OXCT1: variants seen among roughly 807,000 people sequenced by gnomAD.
OXCT1 encodes succinyl-CoA:3-ketoacid coenzyme A transferase 1, mitochondrial.
In OXCT1, 27 loss-of-function variants were observed where a neutral mutation model predicts 69.6. The ratio of observed to expected loss-of-function variants is 0.39; its 90% CI spans 0.29 to 0.54. The LOEUF is 0.54. Ranked by LOEUF, OXCT1 falls within the 20% of genes least tolerant of loss-of-function variation. OXCT1 has a pLI of 0.72. For missense variants in OXCT1, 437 were observed against 650.2 expected (o/e 0.67, Z 3.57); for synonymous variants, 202 against 217.8 (o/e 0.93, Z 0.64).
At chr5:41,773,921 T>C (rs1745003033) in intron 13 of OXCT1, among the ~76,000 whole-genome samples, 1 of 152,318 alleles carries the variant, frequency 6.6e-6, no homozygotes, top group African/African-American at 2.4e-5. Flanking sequence ...CCATTTCATT[T>C]TATAGGGACC....
intron 14 of OXCT1, among the ~76,000 whole-genome samples, chr5:41,751,028 T>C (rs1477692638): frequency 1.3e-5 from 2 of 152,188 alleles, no homozygotes; most frequent in Non-Finnish European, 2.9e-5. Flanking sequence ...TTACTGTATA[T>C]GAAAATTTAT....
chr5:41,786,247 A>G lies in OXCT1; in HGVS notation c.1248+7756T>C, dbSNP rs182772971. 7.9e-5 allele frequency among the ~76,000 whole-genome samples: 12 copies of G among 152,282 alleles called. 3 individuals carry two copies. Among genetic ancestry groups the G allele is most frequent in the African/African-American group, 2.9e-4 (12 of 41,562 alleles). On this transcript the variant is annotated intron_variant, in intron 13 of 16. Coordinates refer to ENST00000196371, the MANE Select transcript of OXCT1 (RefSeq NM_000436.4). ...GACAACTGCTCACCCCACTCCACAC[A>G]CACAGAGAGAGGAAGGGATCAGCTT...
intron 5 of OXCT1, among the ~76,000 whole-genome samples, chr5:41,847,658 AAACAG>A (rs760773133): frequency 2.0e-5 from 3 of 152,140 alleles, no homozygotes; most frequent in Admixed American, 6.5e-5. Flanking sequence ...TCCAGCATAT[AAACAG>A]AACCAAAGAC....
At chr5:41,759,101 A>AC (rs1561367684) in intron 14 of OXCT1, among the ~76,000 whole-genome samples, 1 of 151,802 alleles carries the variant, frequency 6.6e-6, no homozygotes, top group Non-Finnish European at 1.5e-5. Context: ...AAAAAAAAAA[A>AC]AAAAAACCTG....
At position 41,863,316 on chromosome 5, in the gene OXCT1, T is replaced by G. The variant is rs192795786; in HGVS notation, c.79-566A>C. ...TATAAATGCACACACTTTTTTATGG[T>G]AAAAACACTTAAAAATCTCTAAGCA... On this transcript the variant is annotated intron_variant, in intron 1 of 16. Transcript: ENST00000196371. 1.1e-4 allele frequency among the ~76,000 whole-genome samples: 17 copies of G among 152,260 alleles called. No individual in the cohort carries two copies. In the East Asian group the frequency reaches 2.9e-3, roughly 26 times the overall value.
chr5:41,823,549 T>C (rs1404804523), intron 7 of OXCT1, among the ~76,000 whole-genome samples: 1 of 152,206 alleles, frequency 6.6e-6, no homozygotes, highest in Non-Finnish European at 1.5e-5. Flanking sequence ...TTAGCCTGTC[T>C]CTCTCCAATT....
chr5:41,741,558 T>G (rs1743170551), intron 15 of OXCT1, among the ~76,000 whole-genome samples: 1 of 152,148 alleles, frequency 6.6e-6, no homozygotes, highest in South Asian at 2.1e-4. Flanking sequence ...TTTTTTCACT[T>G]TTCACTCCTT....
At chr5:41,770,771 ATAAC>A (rs1744839757) in intron 13 of OXCT1, among the ~76,000 whole-genome samples, 1 of 152,246 alleles carries the variant, frequency 6.6e-6, no homozygotes, top group South Asian at 2.1e-4. Flanking sequence ...TATAATAAAT[ATAAC>A]TAACAGAACC....
intron 7 of OXCT1, among the ~76,000 whole-genome samples, chr5:41,808,488 A>G (rs1746796890): frequency 6.6e-6 from 1 of 152,138 alleles, no homozygotes; most frequent in African/African-American, 2.4e-5. Flanking sequence ...CAGGGCTTAC[A>G]GAAGACATTT....
chr5:41,799,991 T>C (rs1469033397), intron 11 of OXCT1, among the ~76,000 whole-genome samples: 2 of 152,152 alleles, frequency 1.3e-5, no homozygotes, highest in Non-Finnish European at 2.9e-5. Flanking sequence ...AATAAAAGGA[T>C]ACAGAAAATC....
chr5:41,785,635 T>C (rs1490374999), intron 13 of OXCT1, among the ~76,000 whole-genome samples: 1 of 152,172 alleles, frequency 6.6e-6, no homozygotes, highest in Non-Finnish European at 1.5e-5. Flanking sequence ...GATCTTGCTG[T>C]CTCACTTTTA....
chr5:41,757,589 AT>A (rs1744143413), intron 14 of OXCT1, among the ~76,000 whole-genome samples: 1 of 152,084 alleles, frequency 6.6e-6, no homozygotes, highest in Non-Finnish European at 1.5e-5. Flanking sequence ...AAACAAGTAA[AT>A]TAACATACTC....
intron 7 of OXCT1, among the ~76,000 whole-genome samples, chr5:41,820,889 G>A (rs949351190): frequency 6.6e-6 from 1 of 152,060 alleles, no homozygotes; most frequent in African/African-American, 2.4e-5. Context: ...GGTGGGGTTA[G>A]TGCCATACAC....
chr5:41,750,593 T>C (rs1743733023), intron 14 of OXCT1, among the ~76,000 whole-genome samples: 1 of 152,146 alleles, frequency 6.6e-6, no homozygotes, highest in African/African-American at 2.4e-5. Context: ...GGATCTAATG[T>C]ACCACATGTG....
chr5:41,870,239 C>CCCAT lies in OXCT1; in HGVS notation c.78+41_78+42insATGG. 4.0e-6 allele frequency: 6 copies of CCCAT among 1,504,982 alleles called. No homozygotes were observed. Among genetic ancestry groups the CCCAT allele is most frequent in the Non-Finnish European group, 4.6e-6 (5 of 1,080,920 alleles). 93.2% of individuals were successfully genotyped at this position (1,504,982 alleles called of 1,614,324 possible). ...CGGGCACCACTCAGGGTTTGGTCCA[C>CCCAT]GTTCTTCCTGCCCATGGCCTTCCTC... On this transcript the variant is annotated intron_variant, in intron 1 of 16. Transcript: ENST00000196371. This position sits in a 1 kb window ranked among gnomAD's most constrained non-coding sequence, Gnocchi z 4.2.
intron 13 of OXCT1, among the ~76,000 whole-genome samples, chr5:41,767,481 G>C (rs1346129673): frequency 1.3e-5 from 2 of 151,468 alleles, no homozygotes; most frequent in African/African-American, 4.8e-5. Context: ...AAGCTCTCTT[G>C]TTCCTGTTCT....
At chr5:41,839,586 C>T (rs1356121545) in intron 7 of OXCT1, among the ~76,000 whole-genome samples, 1 of 152,108 alleles carries the variant, frequency 6.6e-6, no homozygotes, top group Non-Finnish European at 1.5e-5. Context: ...CTTCATTTTC[C>T]AAGAAAGGAA....
chr5:41,765,471 G>C (rs983792732), intron 13 of OXCT1, among the ~76,000 whole-genome samples: 1 of 152,124 alleles, frequency 6.6e-6, no homozygotes, highest in African/African-American at 2.4e-5. Flanking sequence ...TAAGTGCACA[G>C]GGTGCTAAGC....
At chr5:41,859,456 G>T (rs777246972) in intron 3 of OXCT1, among the ~76,000 whole-genome samples, 5 of 152,112 alleles carry the variant, frequency 3.3e-5, no homozygotes, top group Non-Finnish European at 5.9e-5. Context: ...TAAATTTGTG[G>T]GTGGAAGACA....
Sources: allele counts gnomAD v4.1 joint callset (sites outside exome capture counted in the v4.1 genomes callset), GRCh38; gene constraint gnomAD v4.1.1; non-coding constraint Gnocchi (gnomAD v3.1); transcripts MANE v1.5; gene names NCBI Gene and HGNC (gene_info 2026-07-23, HGNC 2026-07-21).